The following FAM153A variants were observed in gnomAD, a reference collection of about 807,000 sequenced individuals.
The protein encoded by FAM153A is protein FAM153A.
In FAM153A, 12 loss-of-function variants were observed where a neutral mutation model predicts 48.1. That is an observed-to-expected ratio of 0.25 (90% CI 0.16 to 0.40). The LOEUF is 0.40. Among genes scored for constraint, FAM153A ranks in the 10% least tolerant of loss-of-function variants. The pLI is 1.00. For synonymous variants in FAM153A, 36 were observed against 118.2 expected (o/e 0.30, Z 4.51); for missense variants, 111 against 345.8 (o/e 0.32, Z 5.38).
At chr5:177,717,510 A>G (rs1404877941), downstream of FAM153A, among the ~76,000 whole-genome samples, 41 of 150,774 alleles carry the variant, frequency 2.7e-4, no homozygotes, top group Middle Eastern at 3.4e-3. Flanking sequence ...GAAGGTTGCC[A>G]GGGACTAAGA....
upstream of FAM153A, among the ~76,000 whole-genome samples, chr5:177,754,586 C>CA (rs1367139455): frequency 1.3e-5 from 2 of 151,922 alleles, no homozygotes; most frequent in African/African-American, 4.9e-5. Flanking sequence ...AGGCACCACC[C>CA]AGTAGGGGCA....
At chr5:177,702,912 C>A in the FAM153A span, among the ~76,000 whole-genome samples, 3 of 152,150 alleles carry the variant, frequency 2.0e-5, no homozygotes, top group South Asian at 6.2e-4. Context: ...AGCCTCACTG[C>A]CCTAGTAGAG....
chr5:177,739,113 C>T (rs751336581), exon 10 of FAM153A: 18 of 1,612,680 alleles, frequency 1.1e-5, no homozygotes, highest in East Asian at 6.7e-5. Flanking sequence ...GAATACATAC[C>T]GTTGGTTTGG....
chr5:177,698,238 G>A, the FAM153A span, among the ~76,000 whole-genome samples: 1 of 151,806 alleles, frequency 6.6e-6, no homozygotes. Flanking sequence ...TGTCTTAAAA[G>A]GCTCTTGTGT....
the FAM153A span, among the ~76,000 whole-genome samples, chr5:177,696,239 A>G: frequency 2.3e-5 from 3 of 128,092 alleles, no homozygotes; most frequent in African/African-American, 9.4e-5. Flanking sequence ...GGCCGGGCAG[A>G]GGCGCTCCTC....
intron 1 of FAM153A, chr5:177,779,444 T>C (rs1430437464): frequency 3.5e-5 from 4 of 113,330 alleles, no homozygotes; most frequent in African/African-American, 1.2e-4. Context: ...CTGCACTCAG[T>C]AGGTATCTTC....
chr5:177,740,829 T>C lies in FAM153A; in HGVS notation c.442-28A>G, dbSNP rs1242941452. On this transcript the variant is annotated intron_variant, in intron 7 of 20. Transcript: ENST00000614127. ...GCAAATAGAGAAAAGAAAAACATTA[T>C]GAGAGTCAGACCACACTGTGGCCTG... is the stretch of plus-strand genomic sequence containing the variant. The C allele has an allele frequency of 5.2e-6, 4 of 767,070 alleles. 1 individual carries two copies. The highest frequency in any genetic ancestry group is 7.6e-6 in the Non-Finnish European group (4 of 526,712). The allele number at this position is 767,070 out of a possible 1,614,324, so 47.5% of individuals were successfully genotyped here.
intron 1 of FAM153A, among the ~76,000 whole-genome samples, chr5:177,776,648 T>C (rs1366985585): frequency 1.7e-5 from 1 of 58,540 alleles, no homozygotes; most frequent in Non-Finnish European, 3.2e-5. Flanking sequence ...TGCTCATGGG[T>C]AGGAAGAATC....
downstream of FAM153A, among the ~76,000 whole-genome samples, chr5:177,705,039 C>T (rs1007797126): frequency 2.0e-5 from 3 of 150,224 alleles, no homozygotes; most frequent in African/African-American, 7.4e-5. Context: ...TGCGGTGGCT[C>T]ACATTTGTAA....
chr5:177,753,859 AG>A (rs1767363650), upstream of FAM153A, among the ~76,000 whole-genome samples: 7 of 151,966 alleles, frequency 4.6e-5, 1 homozygote, highest in South Asian at 1.5e-3. Context: ...TAGGGGGTGG[AG>A]CCAAGATGGC....
At chr5:177,708,723 A>G (rs911958149), downstream of FAM153A, among the ~76,000 whole-genome samples, 3 of 151,968 alleles carry the variant, frequency 2.0e-5, no homozygotes, top group African/African-American at 7.3e-5. Flanking sequence ...TTTTCTGGAA[A>G]GACGGTATTG....
chr5:177,782,040 T>A (rs1487538605), upstream of FAM153A, among the ~76,000 whole-genome samples: 1,764 of 98,718 alleles, frequency 0.018, 5 homozygotes, highest in African/African-American at 0.032. Flanking sequence ...ACTCACGGTA[T>A]TTTTTGATAG....
chr5:177,713,375 C>T (rs1474313317), intron 26 of FAM153A, among the ~76,000 whole-genome samples: 6 of 151,094 alleles, frequency 4.0e-5, no homozygotes, highest in African/African-American at 7.4e-5. Flanking sequence ...CTCAGCCTCC[C>T]GAGTAGCTGG....
downstream of FAM153A, among the ~76,000 whole-genome samples, chr5:177,704,736 G>A (rs1342768795): frequency 3.3e-5 from 5 of 151,824 alleles, no homozygotes; most frequent in South Asian, 6.2e-4. Context: ...CAGGTGCAGC[G>A]GCTCATGCCT....
downstream of FAM153A, chr5:177,723,295 C>T (rs2127589472): frequency 8.3e-6 from 1 of 120,504 alleles, no homozygotes; most frequent in East Asian, 2.9e-4. Flanking sequence ...AAAAGGGTTA[C>T]AGAAGACATA....
chr5:177,706,053 AAATT>A (rs892470778), downstream of FAM153A, among the ~76,000 whole-genome samples: 2 of 152,064 alleles, frequency 1.3e-5, no homozygotes, highest in Middle Eastern at 3.4e-3. Context: ...AGTGTTTCCC[AAATT>A]AATCTATAGA....
chr5:177,694,731 G>A, the FAM153A span, among the ~76,000 whole-genome samples: 1 of 94,252 alleles, frequency 1.1e-5, no homozygotes, highest in African/African-American at 4.7e-5. Context: ...GTGATAGCTG[G>A]GTGCAGGAAG....
chr5:177,754,602 A>C (rs991083217), upstream of FAM153A, among the ~76,000 whole-genome samples: 211 of 151,978 alleles, frequency 1.4e-3, no homozygotes, highest in Non-Finnish European at 2.6e-3. Flanking sequence ...GGGCAGACTG[A>C]CACCTCACAT....
At chr5:177,725,446 CAAAA>C (rs1434073950) in intron 18 of FAM153A, among the ~76,000 whole-genome samples, 1 of 149,332 alleles carries the variant, frequency 6.7e-6, no homozygotes, top group Non-Finnish European at 1.5e-5. Context: ...ATTCAGCCCT[CAAAA>C]GAATCCCAGC....
Sources: gnomAD v4.1 joint callset for allele counts (sites outside exome capture counted in the v4.1 genomes callset) on GRCh38, gnomAD v4.1.1 for gene constraint, MANE v1.5 for transcripts, NCBI Gene and HGNC (gene_info 2026-07-23, HGNC 2026-07-21) for gene names.